RAB3C: variants seen among roughly 807,000 people sequenced by gnomAD.
RAB3C encodes the protein RAB3C, member RAS oncogene family, also known as ras-related protein Rab-3C.
RAB3C carries 17 observed loss-of-function variants against 26.4 expected under a neutral mutation model. The ratio of observed to expected loss-of-function variants is 0.64; its 90% CI spans 0.44 to 0.97. RAB3C has a LOEUF of 0.97. Ranked by LOEUF, RAB3C falls within the 50% of genes least tolerant of loss-of-function variation. The pLI is 0.00. For synonymous variants in RAB3C, 91 were observed against 95.9 expected, an observed-to-expected ratio of 0.95 and a Z score of 0.30; for missense variants, 242 against 281.9, an observed-to-expected ratio of 0.86 and a Z score of 1.01.
At chr5:58,650,592 A>T (rs896227202) in intron 2 of RAB3C, among the ~76,000 whole-genome samples, 1 of 152,228 alleles carries the variant, frequency 6.6e-6, no homozygotes, top group African/African-American at 2.4e-5. Flanking sequence ...ATAGAGCATG[A>T]TGGAGTCCTT....
chr5:58,802,672 T>C (rs996828401), intron 3 of RAB3C, among the ~76,000 whole-genome samples: 10 of 152,172 alleles, frequency 6.6e-5, no homozygotes, highest in Admixed American at 5.9e-4. Context: ...AGGTGTGAAA[T>C]ATAGCAATAG....
chr5:58,693,322 TTA>T (rs1554048040), intron 2 of RAB3C, among the ~76,000 whole-genome samples: 1 of 75,238 alleles, frequency 1.3e-5, no homozygotes, highest in African/African-American at 6.7e-5. Flanking sequence ...AATTAAGAAA[TTA>T]TATATATATG....
At chr5:58,678,179 C>T (rs932292588) in intron 2 of RAB3C, among the ~76,000 whole-genome samples, 3 of 151,980 alleles carry the variant, frequency 2.0e-5, no homozygotes, top group Admixed American at 6.6e-5. Flanking sequence ...CAATCTCCTT[C>T]TTTATGATGC....
intron 2 of RAB3C, among the ~76,000 whole-genome samples, chr5:58,688,964 G>A (rs72760289): frequency 1.4e-3 from 220 of 152,192 alleles, no homozygotes; most frequent in Non-Finnish European, 2.5e-3. Context: ...ATAGGGACTA[G>A]AAATAGCTGA....
intron 2 of RAB3C, among the ~76,000 whole-genome samples, chr5:58,622,657 A>G (rs1300808410): frequency 1.3e-5 from 2 of 152,228 alleles, no homozygotes; most frequent in Non-Finnish European, 2.9e-5. Context: ...ACTACTAATA[A>G]TAGCAACATT....
intron 2 of RAB3C, chr5:58,644,585 A>T (rs1353298179): frequency 6.6e-6 from 1 of 152,174 alleles, no homozygotes; most frequent in Non-Finnish European, 1.5e-5. Flanking sequence ...AGTGGGTCTC[A>T]AGCCTGGCAT....
intron 2 of RAB3C, among the ~76,000 whole-genome samples, chr5:58,631,240 A>G (rs1320005571): frequency 6.6e-6 from 1 of 152,178 alleles, no homozygotes; most frequent in African/African-American, 2.4e-5. Context: ...GAAGAGAGGC[A>G]GGTGACAAAT....
At chr5:58,791,788 A>G (rs1453983350) in intron 3 of RAB3C, among the ~76,000 whole-genome samples, 1 of 152,240 alleles carries the variant, frequency 6.6e-6, no homozygotes, top group Non-Finnish European at 1.5e-5. Context: ...CCCAAACTTT[A>G]GTAATTATTT....
intron 1 of RAB3C, among the ~76,000 whole-genome samples, chr5:58,609,148 C>G (rs1231345336): frequency 2.0e-5 from 3 of 152,044 alleles, no homozygotes; most frequent in Non-Finnish European, 4.4e-5. Context: ...ATGTAACAAA[C>G]CCGCATGTTG....
intron 1 of RAB3C, 144 bp downstream of exon 1, chr5:58,583,376 G>A: frequency 6.6e-7 from 1 of 1,523,996 alleles, no homozygotes; most frequent in Non-Finnish European, 8.8e-7. Context: ...CCTGGGAACA[G>A]AGTTGGGTTT....
chr5:58,626,793 G>A lies in RAB3C; in HGVS notation c.252+8923G>A, dbSNP rs146765002. On this transcript the variant is annotated intron_variant, in intron 2 of 4. Coordinates refer to ENST00000282878, the MANE Select transcript of RAB3C (RefSeq NM_138453.4). ...ATTTTATGGGCCAAACCTATTTAAC[G>A]CCATACTTTCTGAAATAGCAAGTAG... 1.4e-3 allele frequency among the ~76,000 whole-genome samples: 219 copies of A among 152,120 alleles called. 4 individuals are homozygous for A. Among genetic ancestry groups the A allele is most frequent in the Admixed American group, 0.011 (165 of 15,276 alleles).
chr5:58,846,472 C>A (rs1744007044), intron 4 of RAB3C, among the ~76,000 whole-genome samples: 1 of 152,096 alleles, frequency 6.6e-6, no homozygotes, highest in Admixed American at 6.5e-5. Flanking sequence ...CTTGACCTCC[C>A]AGGCTCAGTG....
rs75036178 is a variant in RAB3C, at chr5:58,783,965, G to A, written c.372-41073G>A. 6.2e-3 allele frequency among the ~76,000 whole-genome samples: 938 copies of A among 152,212 alleles called. 15 individuals carry two copies. The highest frequency in any genetic ancestry group is 0.022 in the African/African-American group (899 of 41,518). On this transcript the variant is annotated intron_variant, in intron 3 of 4. Transcript: ENST00000282878. ...GAAGTTGAAATGGTAACTATATTCT[G>A]TTGTGAGCCAGGAATCTGTGGGTGA...
intron 1 of RAB3C, among the ~76,000 whole-genome samples, chr5:58,596,859 A>AT (rs1253119528): frequency 0.069 from 4,524 of 66,020 alleles, 1 homozygote; most frequent in East Asian, 0.11. Flanking sequence ...TACATAATAT[A>AT]TAATATTATA....
intron 1 of RAB3C, among the ~76,000 whole-genome samples, chr5:58,614,255 A>G (rs1746776334): frequency 6.6e-6 from 1 of 152,142 alleles, no homozygotes; most frequent in Non-Finnish European, 1.5e-5. Context: ...TAGAGATATC[A>G]GTAAACTTAC....
chr5:58,762,517 A>G (rs1741817577), intron 3 of RAB3C, among the ~76,000 whole-genome samples: 1 of 151,916 alleles, frequency 6.6e-6, no homozygotes, highest in Non-Finnish European at 1.5e-5. Context: ...ACATGGAGAA[A>G]CCCCATCTCT....
At chr5:58,657,561 C>T (rs1297998688) in intron 2 of RAB3C, among the ~76,000 whole-genome samples, 1 of 152,106 alleles carries the variant, frequency 6.6e-6, no homozygotes, top group East Asian at 1.9e-4. Context: ...TCTCACAGAT[C>T]CGCAGGAAGG....
chr5:58,590,751 G>T (rs1165751476), intron 1 of RAB3C, among the ~76,000 whole-genome samples: 2 of 152,162 alleles, frequency 1.3e-5, no homozygotes, highest in East Asian at 1.9e-4. Context: ...CACCATGTTG[G>T]CCAGGCTGGT....
intron 3 of RAB3C, among the ~76,000 whole-genome samples, chr5:58,824,660 C>G (rs1255684631): frequency 6.6e-6 from 1 of 152,154 alleles, no homozygotes; most frequent in African/African-American, 2.4e-5. Flanking sequence ...GGAGGGGTTT[C>G]TCAGGACATG....
Sources: gnomAD v4.1 joint callset for allele counts (sites outside exome capture counted in the v4.1 genomes callset) on GRCh38, gnomAD v4.1.1 for gene constraint, MANE v1.5 for transcripts, NCBI Gene and HGNC (gene_info 2026-07-23, HGNC 2026-07-21) for gene names.